The following TBX5 variants were observed in gnomAD, a reference collection of about 807,000 sequenced individuals.
TBX5 encodes T-box transcription factor 5, also known as T-box transcription factor TBX5.
Under a neutral mutation model 51.1 loss-of-function variants are expected in TBX5, and 8 were observed. The ratio of observed to expected loss-of-function variants is 0.16; its 90% CI spans 0.09 to 0.28. The LOEUF (loss-of-function observed/expected upper bound fraction) is 0.28. TBX5 is among the 10% of genes least tolerant of loss of function. TBX5 has a pLI of 1.00. For synonymous variants in TBX5, 302 were observed against 266.4 expected (o/e 1.13, Z -1.30); for missense variants, 589 against 671.7 (o/e 0.88, Z 1.36).
intron 7 of TBX5, among the ~76,000 whole-genome samples, chr12:114,378,132 C>T (rs763880843): frequency 2.6e-5 from 4 of 152,182 alleles, no homozygotes; most frequent in Non-Finnish European, 4.4e-5. Context: ...CCATGAAGAA[C>T]TCTGAGGCCA....
chr12:114,379,755 C>T (rs759289534), intron 7 of TBX5, among the ~76,000 whole-genome samples: 3 of 152,194 alleles, frequency 2.0e-5, no homozygotes, highest in Non-Finnish European at 4.4e-5. Flanking sequence ...ACCCTGGTCC[C>T]CTGTGTGTTG....
chr12:114,358,777 T>TTTTTTTTTG lies in TBX5; in HGVS notation c.983-2672_983-2671insCAAAAAAAA, dbSNP rs113855505. Among the ~76,000 whole-genome samples, 138 of 150,682 alleles carry TTTTTTTTTG rather than the reference T, an allele frequency of 9.2e-4. 2 individuals carry two copies. Among genetic ancestry groups the TTTTTTTTTG allele is most frequent in the Admixed American group, 5.3e-3 (80 of 15,116 alleles). On this transcript the variant is annotated intron_variant, in intron 8 of 8. Coordinates refer to ENST00000405440, the MANE Select transcript of TBX5 (RefSeq NM_181486.4). ...TCACCTTTTAACTGTGCGGGGTTTT[T>TTTTTTTTTG]TTTGTTTGTTTGTTTGTTTGTTTGT...
At chr12:114,374,253 T>A (rs1221042804) in intron 7 of TBX5, among the ~76,000 whole-genome samples, 1 of 152,130 alleles carries the variant, frequency 6.6e-6, no homozygotes, top group East Asian at 1.9e-4. Flanking sequence ...AATGTGAGGA[T>A]GTTAATTAGT....
At chr12:114,374,433 T>C in intron 7 of TBX5, among the ~76,000 whole-genome samples, 1 of 152,230 alleles carries the variant, frequency 6.6e-6, no homozygotes, top group East Asian at 1.9e-4. Context: ...GTTATAGTTC[T>C]GGGGAACAGC....
At chr12:114,373,325 C>A (rs1870018443) in intron 7 of TBX5, among the ~76,000 whole-genome samples, 1 of 152,150 alleles carries the variant, frequency 6.6e-6, no homozygotes, top group Non-Finnish European at 1.5e-5. Context: ...TAACGGAGAA[C>A]AAGAGGCCTA....
chr12:114,399,696 T>G, intron 3 of TBX5, 64 bp from the exon 4 acceptor site: 6 of 1,611,412 alleles, frequency 3.7e-6, no homozygotes, highest in Non-Finnish European at 5.1e-6. Flanking sequence ...TAAGGCAGCC[T>G]CCATCCATTT....
At chr12:114,394,058 A>G (rs1167634925) in intron 6 of TBX5, among the ~76,000 whole-genome samples, 1 of 152,158 alleles carries the variant, frequency 6.6e-6, no homozygotes, top group Non-Finnish European at 1.5e-5. Flanking sequence ...TGTAATACCA[A>G]CGCTTTGGAA....
intron 7 of TBX5, among the ~76,000 whole-genome samples, chr12:114,384,246 A>C (rs570965970): frequency 5.4e-5 from 8 of 148,152 alleles, no homozygotes; most frequent in African/African-American, 2.0e-4. Context: ...TTGTTTTTTT[A>C]ATGTTTGGAA....
At chr12:114,363,322 C>A (rs922543261) in intron 8 of TBX5, among the ~76,000 whole-genome samples, 17 of 152,172 alleles carry the variant, frequency 1.1e-4, no homozygotes, top group African/African-American at 4.1e-4. Flanking sequence ...TTAAGCTCAT[C>A]CAAGGATCCA....
chr12:114,403,075 GT>G (rs1871930023), intron 2 of TBX5, among the ~76,000 whole-genome samples: 1 of 152,260 alleles, frequency 6.6e-6, no homozygotes, highest in Non-Finnish European at 1.5e-5. Context: ...TGCGTCCTGG[GT>G]TTTGGGCGCA....
chr12:114,397,704 A>T (rs1159242262), intron 5 of TBX5, among the ~76,000 whole-genome samples: 1 of 151,960 alleles, frequency 6.6e-6, no homozygotes. Context: ...TCCAATCCAG[A>T]CTCCAAGTTT....
rs2136358639 is a variant in TBX5 at position 114,355,263 on chromosome 12, G to A, written c.*269C>T. 3.9e-6 allele frequency: 2 copies of A among 511,880 alleles called. No homozygotes were observed. Among genetic ancestry groups the A allele is most frequent in the South Asian group, 1.9e-5 (1 of 54,006 alleles). The allele number at this position is 511,880 out of a possible 1,614,324, so 31.7% of individuals were successfully genotyped here. On this transcript the variant is annotated 3_prime_UTR_variant, in exon 9 of 9. Transcript: ENST00000405440. The stretch of plus-strand genomic sequence containing the variant: ...GTAGCGTGAATGTGGCTGGTTGATG[G>A]GTGTGGTGGTAGTGGGGGGTGGGAC...
At chr12:114,388,675 CGT>C (rs59385091) in intron 6 of TBX5, among the ~76,000 whole-genome samples, 19,605 of 124,102 alleles carry the variant, frequency 0.16, 1,690 homozygotes, top group East Asian at 0.43. Flanking sequence ...TTAAAGTATC[CGT>C]GTGTGTGTGT....
chr12:114,407,071 A>G, upstream of TBX5: 1 of 985,340 alleles, frequency 1.0e-6, no homozygotes, highest in Non-Finnish European at 1.2e-6. Flanking sequence ...GGTCTGGAGA[A>G]AGGGATGGAG....
At position 114,404,984 on chromosome 12, in the gene TBX5, G is replaced by A. The variant is rs548224200; in HGVS notation, c.-39+644C>T. 9.2e-5 allele frequency among the ~76,000 whole-genome samples: 14 copies of A among 152,342 alleles called. No individual in the cohort carries two copies. The South Asian group carries it at 2.1e-3, about 23-fold the overall frequency. ...AACTGCCGCAGAGCTGTTCAAGCCC[G>A]ATGAGCCTGTCTCCTGCTCTCTGAT... On this transcript the variant is annotated intron_variant, in intron 1 of 8. Coordinates refer to ENST00000405440, the MANE Select transcript of TBX5 (RefSeq NM_181486.4).
intron 8 of TBX5, among the ~76,000 whole-genome samples, chr12:114,361,765 G>A (rs567480574): frequency 5.5e-4 from 83 of 152,242 alleles, no homozygotes; most frequent in Non-Finnish European, 1.1e-3. Context: ...AGGAAACCTC[G>A]GCTGATTCCT....
rs1008883684 is a variant in TBX5 at position 114,405,774 on chromosome 12, A to C, written c.-185T>G. On this transcript the variant is annotated 5_prime_UTR_variant, in exon 1 of 9. Transcript: ENST00000405440. ...AGAATAGCGGCTACTGCTGCCTACT[A>C]GGGCGCACCTACCGCTGGAGCCTCC... 4.1e-6 allele frequency: 4 copies of C among 985,564 alleles called. No individual in the cohort carries two copies. The African/African-American group carries it at 7.0e-5, about 17-fold the overall frequency. The allele number at this position is 985,564 out of a possible 1,614,324, so 61.1% of individuals were successfully genotyped here.
intron 7 of TBX5, among the ~76,000 whole-genome samples, chr12:114,377,574 T>A (rs148184312): frequency 4.3e-4 from 64 of 148,864 alleles, no homozygotes; most frequent in Non-Finnish European, 6.1e-4. Flanking sequence ...TTTTTTTTTT[T>A]ATCTTTTTCT....
At chr12:114,379,627 G>A (rs1870396695) in intron 7 of TBX5, among the ~76,000 whole-genome samples, 1 of 152,166 alleles carries the variant, frequency 6.6e-6, no homozygotes, top group African/African-American at 2.4e-5. Context: ...GGTAGGCTCT[G>A]TAATGACTTC....
Sources: gnomAD v4.1 joint callset for allele counts (sites outside exome capture counted in the v4.1 genomes callset) on GRCh38, gnomAD v4.1.1 for gene constraint, MANE v1.5 for transcripts, NCBI Gene and HGNC (gene_info 2026-07-23, HGNC 2026-07-21) for gene names.